The following WNK2 variants were observed in gnomAD, a reference collection of about 807,000 sequenced individuals.
WNK2 encodes the protein WNK lysine deficient protein kinase 2.
A neutral mutation model predicts 192.1 loss-of-function variants in WNK2; 67 were observed. That is an observed-to-expected ratio of 0.35 (90% CI 0.29 to 0.43). The LOEUF (loss-of-function observed/expected upper bound fraction) is 0.43, where lower values mean the gene tolerates loss of function less well. Ranked by LOEUF, WNK2 falls within the 20% of genes least tolerant of loss-of-function variation. WNK2 has a pLI of 1.00. For synonymous variants in WNK2, 1,439 were observed against 1,393.9 expected, an observed-to-expected ratio of 1.03 and a Z score of -0.72; for missense variants, 2,698 against 3,089.7, an observed-to-expected ratio of 0.87 and a Z score of 3.01.
chr9:93,275,351 C>T (rs1260344917), intron 19 of WNK2, among the ~76,000 whole-genome samples: 1 of 151,988 alleles, frequency 6.6e-6, no homozygotes, highest in African/African-American at 2.4e-5. Flanking sequence ...CTGTGAATGG[C>T]CACTGCATTC....
chr9:93,306,671 G>C, intron 26 of WNK2, 106 bp from the exon 27 acceptor site: 1 of 1,395,468 alleles, frequency 7.2e-7, no homozygotes, highest in Non-Finnish European at 1.0e-6. Flanking sequence ...GCCTGTGTCT[G>C]CCCCTCCCTG....
At chr9:93,244,491 A>G (rs1841340830) in intron 7 of WNK2, among the ~76,000 whole-genome samples, 1 of 152,250 alleles carries the variant, frequency 6.6e-6, no homozygotes, top group Non-Finnish European at 1.5e-5. Flanking sequence ...AACACTTTAG[A>G]GAGGAAGGCT....
chr9:93,229,930 G>T lies in WNK2; in HGVS notation c.854+62G>T. 6.4e-7 allele frequency: 1 copy of T among 1,574,794 alleles called. No homozygotes were observed. The highest frequency in any genetic ancestry group is 8.6e-7 in the Non-Finnish European group (1 of 1,158,286). On this transcript the variant is annotated intron_variant, in intron 3 of 29. Coordinates refer to ENST00000427277, the MANE Select transcript of WNK2 (RefSeq NM_006648.4). The surrounding 1 kb of genome is among the most constrained non-coding windows in gnomAD (Gnocchi z 4.9). ...GCATGGGTGCAGGGCTACCATAGCT[G>T]AGGGTGAGGTCTTGGGCTGCTGGGG... is the stretch of plus-strand genomic sequence containing the variant.
At position 93,268,690 on chromosome 9, in the gene WNK2, C is replaced by T. The variant is rs758731541; in HGVS notation, c.3977C>T (p.Ala1326Val). The T allele has an allele frequency of 4.3e-6, 7 of 1,613,548 alleles. No individual in the cohort carries two copies. Among genetic ancestry groups the T allele is most frequent in the Admixed American group, 1.7e-5 (1 of 60,016 alleles). The change falls in exon 19 of 30, where the codon GCC (alanine) becomes GTC (valine). Residue 1326 changes from alanine (A) to valine (V), a missense_variant. By Grantham distance (64) the Ala-to-Val change is moderately conservative. Coordinates refer to ENST00000427277, the MANE Select transcript of WNK2 (RefSeq NM_006648.4). Reference sequence around the variant, plus strand: ...GTGGCTGAGCACCCCGCCCCCGAGGCCCCTGAATCTTCGCCCCCACTTCCT... The same window carrying T: ...GTGGCTGAGCACCCCGCCCCCGAGGTCCCTGAATCTTCGCCCCCACTTCCT... ...CPVAEHPAPE[A>V]PESSPPLPLS...
At chr9:93,288,514 G>A (rs1848786645) in intron 19 of WNK2, among the ~76,000 whole-genome samples, 1 of 152,196 alleles carries the variant, frequency 6.6e-6, no homozygotes, top group African/African-American at 2.4e-5. Flanking sequence ...CAGAAGGAAG[G>A]GTGGTGCTGG....
At position 93,257,767 on chromosome 9, in the gene WNK2, C is replaced by T. The variant is rs1420472683; in HGVS notation, c.2382+628C>T. The stretch of plus-strand genomic sequence containing the variant: ...GCAGGAAAGCCCAGCCAGCAAGGCT[C>T]GACTCACACAGCTGAAGTGACTTCT... On this transcript the variant is annotated intron_variant, in intron 11 of 29. Transcript: ENST00000427277. This position sits in a 1 kb window ranked among gnomAD's most constrained non-coding sequence, Gnocchi z 4.7. Among the ~76,000 whole-genome samples the T allele has an allele frequency of 1.3e-5, 2 of 152,182 alleles. No homozygotes were observed. Among genetic ancestry groups the T allele is most frequent in the Non-Finnish European group, 2.9e-5 (2 of 68,038 alleles).
At chr9:93,293,753 G>C (rs1025264133) in intron 23 of WNK2, among the ~76,000 whole-genome samples, 3 of 151,958 alleles carry the variant, frequency 2.0e-5, no homozygotes, top group Non-Finnish European at 2.9e-5. Context: ...GGTATGTCTT[G>C]GGGGATCACT....
chr9:93,187,504 A>G (rs1397280930), intron 2 of WNK2, among the ~76,000 whole-genome samples: 2 of 152,118 alleles, frequency 1.3e-5, no homozygotes, highest in Non-Finnish European at 2.9e-5. Flanking sequence ...GTCATTTGGG[A>G]TCAGCTCTCT....
chr9:93,199,907 A>AAAAAAAAAAAAAAAAC, intron 2 of WNK2, among the ~76,000 whole-genome samples: 1 of 150,936 alleles, frequency 6.6e-6, no homozygotes. Flanking sequence ...CTCAAAAAAA[A>AAAAAAAAAAAAAAAAC]AAAAGAAAAC....
chr9:93,292,567 C>A lies in WNK2; in HGVS notation c.5102C>A (p.Ala1701Glu). The A allele has an allele frequency of 6.4e-7, 1 of 1,568,504 alleles. No individual in the cohort carries two copies. Among genetic ancestry groups the A allele is most frequent in the Admixed American group, 1.8e-5 (1 of 55,228 alleles). ...GGTGGAGAAGCTGGAGAAAGCTCGG[C>A]AGAGCCCCCGCCGAGTGACATGGGC... ...RDGGEAGESS[A>E]EPPPSDMGTV... Residue 1701 changes from alanine to glutamate, a missense_variant, in exon 23 of 30, where the codon GCA (alanine) becomes GAA (glutamate). Ala to Glu is a moderately radical substitution (Grantham distance 107, BLOSUM62 -1). This residue lies in a region of WNK2 where 1,098 missense variants were observed against 1,101.0 expected (regional missense o/e 1.00). Transcript: ENST00000427277.
intron 24 of WNK2, among the ~76,000 whole-genome samples, chr9:93,298,299 C>G (rs1224422274): frequency 6.6e-6 from 1 of 152,236 alleles, no homozygotes; most frequent in Non-Finnish European, 1.5e-5. Flanking sequence ...AGGGGCTGCT[C>G]AGCGTTGGGC....
intron 2 of WNK2, among the ~76,000 whole-genome samples, chr9:93,191,657 G>A (rs1388804751): frequency 1.3e-5 from 2 of 152,068 alleles, no homozygotes; most frequent in Non-Finnish European, 2.9e-5. Context: ...GGATAGAGGC[G>A]GGGAGGGGAG....
chr9:93,271,520 A>G (rs1846001715), intron 19 of WNK2, among the ~76,000 whole-genome samples: 1 of 152,218 alleles, frequency 6.6e-6, no homozygotes, highest in Admixed American at 6.5e-5. Context: ...CATTCTTGAA[A>G]CAAATGATAA....
chr9:93,185,235 A>G lies in WNK2; in HGVS notation c.306A>G (p.Val102=), dbSNP rs1829075375. Residue 102 remains valine (V), a synonymous_variant, in exon 2 of 30, where the codon GTA becomes GTG. Transcript: ENST00000427277. ...CCGCCCCCGCGCCCGCAGCGCTGGT[A>G]GCGCAGCCGGGAGCCCCCGGAGCCC... The part of the protein sequence containing the change: ...RPAAPAPAAL[V]AQPGAPGAPA... The G allele has an allele frequency of 8.3e-7, 1 of 1,206,898 alleles. No individual in the cohort carries two copies. The highest frequency in any genetic ancestry group is 3.6e-5 in the East Asian group (1 of 27,674). The allele number at this position is 1,206,898 out of a possible 1,614,324, so 74.8% of individuals were successfully genotyped here.
At chr9:93,188,491 G>GT (rs1005214937) in intron 2 of WNK2, among the ~76,000 whole-genome samples, 1 of 152,232 alleles carries the variant, frequency 6.6e-6, no homozygotes, top group African/African-American at 2.4e-5. Flanking sequence ...AACCTGCACT[G>GT]TTTTTTGTGG....
chr9:93,280,267 G>A (rs1044310408), intron 19 of WNK2, among the ~76,000 whole-genome samples: 2 of 152,128 alleles, frequency 1.3e-5, no homozygotes, highest in Non-Finnish European at 2.9e-5. Context: ...GGATGCCAAA[G>A]GGGTGTATGA....
Position 93,259,563 on chromosome 9 carries a change from C to T in WNK2, c.3015C>T (p.Leu1005=). 2 of 1,594,462 alleles carry T rather than the reference C, an allele frequency of 1.3e-6. No individual in the cohort carries two copies. Among genetic ancestry groups the T allele is most frequent in the Non-Finnish European group, 1.7e-6 (2 of 1,177,132 alleles). Residue 1005 remains leucine (L), a synonymous_variant, in exon 12 of 30, where the codon CTC becomes CTT. Transcript: ENST00000427277. This position sits in a 1 kb window ranked among gnomAD's most constrained non-coding sequence, Gnocchi z 4.8. ...QPALPVRPEP[L]QPHLPEQAAP... ...CACTGCCTGTGCGCCCTGAGCCCCT[C>T]CAGCCCCACCTTCCTGAACAAGCTG...
Position 93,226,283 on chromosome 9 carries a change from C to G in WNK2, c.682-3413C>G, listed in dbSNP as rs16908933. Among the ~76,000 whole-genome samples the G allele has an allele frequency of 4.1e-3, 630 of 152,328 alleles. 4 individuals carry two copies. Among genetic ancestry groups the G allele is most frequent in the Middle Eastern group, 0.027 (8 of 294 alleles). On this transcript the variant is annotated intron_variant, in intron 2 of 29. Coordinates refer to ENST00000427277, the MANE Select transcript of WNK2 (RefSeq NM_006648.4). The stretch of plus-strand genomic sequence containing the variant: ...GGGCCATTTTCTTCTAAATCGTTCT[C>G]CTTCCAGCTCAGGGAAATGCTATTC...
chr9:93,307,803 A>G (rs149875021), intron 27 of WNK2: 2 of 153,258 alleles, frequency 1.3e-5, no homozygotes, highest in Admixed American at 6.5e-5. Context: ...CAGCCCTGGC[A>G]GGCATTTTCC....
Sources: allele counts gnomAD v4.1 joint callset (sites outside exome capture counted in the v4.1 genomes callset), GRCh38; gene constraint gnomAD v4.1.1; regional missense constraint gnomAD v4.1.1; non-coding constraint Gnocchi (gnomAD v3.1); transcripts MANE v1.5; gene names NCBI Gene and HGNC (gene_info 2026-07-23, HGNC 2026-07-21).